HECW1: variants seen among roughly 807,000 people sequenced by gnomAD.
HECW1 encodes HECT, C2 and WW domain containing E3 ubiquitin protein ligase 1.
A neutral mutation model predicts 182.3 loss-of-function variants in HECW1; 61 were observed. The observed-to-expected ratio is 0.33, with a 90% CI of 0.27 to 0.41. HECW1 has a LOEUF of 0.41. Among genes scored for constraint, HECW1 ranks in the 10% least tolerant of loss-of-function variants. HECW1 has a pLI of 1.00. For missense variants in HECW1, 1,739 were observed against 2,108.9 expected, an observed-to-expected ratio of 0.82 and a Z score of 3.44; for synonymous variants, 859 against 832.6, an observed-to-expected ratio of 1.03 and a Z score of -0.55.
intron 2 of HECW1, among the ~76,000 whole-genome samples, chr7:43,119,537 C>G (rs763289855): frequency 6.6e-6 from 1 of 152,212 alleles, no homozygotes; most frequent in Non-Finnish European, 1.5e-5. Context: ...AATTCCTTCT[C>G]TCAACACTGT....
At chr7:43,331,709 G>C (rs916512796) in intron 5 of HECW1, among the ~76,000 whole-genome samples, 5 of 152,176 alleles carry the variant, frequency 3.3e-5, no homozygotes, top group African/African-American at 1.2e-4. Context: ...TTCTTGGCAA[G>C]GATGTTACCA....
chr7:43,341,020 GA>G (rs1168943901), intron 5 of HECW1, among the ~76,000 whole-genome samples: 1 of 151,662 alleles, frequency 6.6e-6, no homozygotes, highest in African/African-American at 2.4e-5. Context: ...GGACTTGGAT[GA>G]AGCTGGAAAA....
intron 6 of HECW1, among the ~76,000 whole-genome samples, chr7:43,383,785 C>T (rs1447129711): frequency 2.0e-5 from 3 of 151,874 alleles, no homozygotes; most frequent in African/African-American, 7.3e-5. Context: ...TCCCCCAAAA[C>T]TTAACCACTA....
chr7:43,134,171 G>A (rs974596800), intron 2 of HECW1, among the ~76,000 whole-genome samples: 1 of 151,852 alleles, frequency 6.6e-6, no homozygotes, highest in Admixed American at 6.6e-5. Flanking sequence ...GAGTGGGCGG[G>A]TCACCTGAGG....
chr7:43,352,750 T>C (rs530688875), intron 5 of HECW1, among the ~76,000 whole-genome samples: 91 of 152,362 alleles, frequency 6.0e-4, no homozygotes, highest in African/African-American at 2.1e-3. Context: ...CTATACATCA[T>C]AGGATTCTTG....
intron 14 of HECW1, among the ~76,000 whole-genome samples, chr7:43,464,681 T>G (rs1312197364): frequency 6.6e-6 from 1 of 152,186 alleles, no homozygotes; most frequent in Non-Finnish European, 1.5e-5. Flanking sequence ...ATGCAGAATA[T>G]TGGACATTTT....
intron 16 of HECW1, 45 bp downstream of exon 16, chr7:43,469,150 C>A (rs534512407): frequency 6.3e-7 from 1 of 1,583,682 alleles, no homozygotes; most frequent in East Asian, 2.2e-5. Flanking sequence ...CAGGCTCCTT[C>A]CCCAGGGTGA....
At chr7:43,548,108 C>G (rs903597027) in intron 26 of HECW1, among the ~76,000 whole-genome samples, 1 of 152,200 alleles carries the variant, frequency 6.6e-6, no homozygotes, top group African/African-American at 2.4e-5. Context: ...GCACCATGTA[C>G]AGGCTCTAAG....
chr7:43,171,467 G>A (rs1208322630), intron 2 of HECW1, among the ~76,000 whole-genome samples: 3 of 152,158 alleles, frequency 2.0e-5, no homozygotes, highest in African/African-American at 7.2e-5. Context: ...GTCAGCCACT[G>A]CGTGCTGGCC....
chr7:43,434,563 T>C (rs1209834901), intron 8 of HECW1, among the ~76,000 whole-genome samples: 1 of 152,200 alleles, frequency 6.6e-6, no homozygotes, highest in African/African-American at 2.4e-5. Flanking sequence ...TTGAGGCTCA[T>C]GGGTGCAAGT....
intron 3 of HECW1, among the ~76,000 whole-genome samples, chr7:43,304,994 G>C (rs1425094135): frequency 6.6e-6 from 1 of 152,208 alleles, no homozygotes; most frequent in African/African-American, 2.4e-5. Flanking sequence ...TCTCCATTGA[G>C]GCCAGAGAGG....
At chr7:43,158,055 G>A (rs1320478354) in intron 2 of HECW1, among the ~76,000 whole-genome samples, 1 of 152,116 alleles carries the variant, frequency 6.6e-6, no homozygotes, top group Non-Finnish European at 1.5e-5. Flanking sequence ...AGGCTTTTAA[G>A]CTTCTTGTGA....
chr7:43,315,580 G>A (rs1487215674), intron 4 of HECW1, among the ~76,000 whole-genome samples: 1 of 151,764 alleles, frequency 6.6e-6, no homozygotes, highest in East Asian at 1.9e-4. Context: ...TGCAACCTCC[G>A]CCTCCCAGGT....
chr7:43,309,161 G>A (rs1808175772), intron 3 of HECW1, among the ~76,000 whole-genome samples: 1 of 152,116 alleles, frequency 6.6e-6, no homozygotes, highest in Non-Finnish European at 1.5e-5. Context: ...TCATGGAGCA[G>A]AAAGTTCCAC....
At chr7:43,447,843 C>T (rs188777940) in intron 11 of HECW1, among the ~76,000 whole-genome samples, 13 of 152,196 alleles carry the variant, frequency 8.5e-5, no homozygotes, top group Admixed American at 5.9e-4. Flanking sequence ...CTGCATTAGA[C>T]GGCTGGGTGT....
intron 7 of HECW1, among the ~76,000 whole-genome samples, chr7:43,399,948 C>A (rs1280201842): frequency 6.6e-6 from 1 of 152,118 alleles, no homozygotes; most frequent in South Asian, 2.1e-4. Context: ...AAAATAAATT[C>A]CATGCAGCCA....
intron 3 of HECW1, chr7:43,249,114 C>A (rs540944455): frequency 1.3e-5 from 2 of 152,304 alleles, no homozygotes; most frequent in Non-Finnish European, 2.9e-5. Flanking sequence ...CCCTAGGTGC[C>A]GGGCGCCGCC....
At chr7:43,400,750 C>T (rs970092616) in intron 7 of HECW1, among the ~76,000 whole-genome samples, 2 of 152,134 alleles carry the variant, frequency 1.3e-5, no homozygotes, top group Non-Finnish European at 2.9e-5. Context: ...AAATTGCCAC[C>T]AACTTAGTGG....
chr7:43,220,583 G>T (rs538639744), intron 2 of HECW1, among the ~76,000 whole-genome samples: 1 of 152,130 alleles, frequency 6.6e-6, no homozygotes, highest in African/African-American at 2.4e-5. Flanking sequence ...AGAGCCTGCC[G>T]TGAATAACAA....
Sources: gnomAD v4.1 joint callset for allele counts (sites outside exome capture counted in the v4.1 genomes callset) on GRCh38, gnomAD v4.1.1 for gene constraint, MANE v1.5 for transcripts, NCBI Gene and HGNC (gene_info 2026-07-23, HGNC 2026-07-21) for gene names.